The following TTC27 variants were observed in gnomAD, a reference collection of about 807,000 sequenced individuals.
TTC27 encodes the protein tetratricopeptide repeat domain 27.
TTC27 carries 79 observed loss-of-function variants against 115.9 expected under a neutral mutation model. That is an observed-to-expected ratio of 0.68 (90% CI 0.57 to 0.82). TTC27 has a LOEUF of 0.82. Ranked by LOEUF, TTC27 falls within the 40% of genes least tolerant of loss-of-function variation. The pLI, the probability that TTC27 is intolerant of heterozygous loss-of-function variation, is 0.00. For synonymous variants in TTC27, 401 were observed against 356.0 expected (o/e 1.13, Z -1.42); for missense variants, 1,054 against 993.1 (o/e 1.06, Z -0.82).
intron 18 of TTC27, among the ~76,000 whole-genome samples, chr2:32,817,227 C>T (rs111721271): frequency 2.0e-5 from 3 of 149,942 alleles, no homozygotes; most frequent in Non-Finnish European, 3.0e-5. Context: ...GACTGAGCGA[C>T]AGGGTGAGAC....
intron 12 of TTC27, among the ~76,000 whole-genome samples, chr2:32,744,928 A>G (rs899711453): frequency 2.0e-5 from 3 of 151,660 alleles, no homozygotes; most frequent in African/African-American, 4.8e-5. Flanking sequence ...GGCACCTGTA[A>G]TCCCAGCTAC....
intron 18 of TTC27, among the ~76,000 whole-genome samples, chr2:32,815,732 C>T (rs991716524): frequency 2.0e-5 from 3 of 152,038 alleles, no homozygotes; most frequent in African/African-American, 2.4e-5. Flanking sequence ...GCTCAAATAC[C>T]GCTGCCATGG....
intron 5 of TTC27, among the ~76,000 whole-genome samples, chr2:32,660,201 C>T (rs562791422): frequency 3.3e-5 from 5 of 152,186 alleles, no homozygotes; most frequent in South Asian, 4.2e-4. Flanking sequence ...TTTTAATGAT[C>T]GCCATTCTAA....
chr2:32,701,039 TA>T (rs1218049242), intron 9 of TTC27, among the ~76,000 whole-genome samples: 1 of 152,204 alleles, frequency 6.6e-6, no homozygotes, highest in Non-Finnish European at 1.5e-5. Context: ...TCTTGTAAAC[TA>T]TTTCAAGGGG....
chr2:32,711,712 T>C (rs189172641), intron 10 of TTC27, among the ~76,000 whole-genome samples: 214 of 152,128 alleles, frequency 1.4e-3, no homozygotes, highest in African/African-American at 4.9e-3. Context: ...GGCTGAGGTG[T>C]GTGGATCACC....
intron 10 of TTC27, among the ~76,000 whole-genome samples, chr2:32,724,129 G>T (rs968891248): frequency 1.3e-5 from 2 of 151,994 alleles, no homozygotes; most frequent in African/African-American, 4.8e-5. Context: ...AATGTCTTAA[G>T]ACACTAAGCA....
chr2:32,663,073 A>G (rs1665613895), intron 5 of TTC27, among the ~76,000 whole-genome samples: 3 of 152,174 alleles, frequency 2.0e-5, no homozygotes, highest in Admixed American at 2.0e-4. Flanking sequence ...CTGTGCTGGC[A>G]GTGAGAATTT....
chr2:32,745,897 G>C (rs1668808655), intron 12 of TTC27, among the ~76,000 whole-genome samples: 1 of 152,090 alleles, frequency 6.6e-6, no homozygotes, highest in Non-Finnish European at 1.5e-5. Context: ...GGGCAATTTA[G>C]GGTATGACCT....
At chr2:32,800,963 A>C (rs1032310728) in intron 16 of TTC27, among the ~76,000 whole-genome samples, 1 of 152,220 alleles carries the variant, frequency 6.6e-6, no homozygotes, top group Non-Finnish European at 1.5e-5. Context: ...GGAAAAGATC[A>C]AGAGATTTGA....
At position 32,628,200 on chromosome 2, in the gene TTC27, A is replaced by C. The variant is rs2063523878; in HGVS notation, c.-93A>C. The C allele has an allele frequency of 1.7e-6, 2 of 1,206,866 alleles. No homozygotes were observed. The highest frequency in any genetic ancestry group is 2.2e-5 in the Admixed American group (1 of 46,328). 74.8% of individuals were successfully genotyped at this position (1,206,866 alleles called of 1,614,324 possible). A position where few individuals can be genotyped will look rare whatever the true frequency, so the allele number is the denominator to read the frequency against. On this transcript the variant is annotated 5_prime_UTR_variant, in exon 1 of 20. Transcript: ENST00000317907. Reference sequence around the variant, plus strand: ...ACGGTAACTGTCGCCACTAGATTTCAGCGCCTTTGGACTCTCCTGTTTTCA... The same window carrying C: ...ACGGTAACTGTCGCCACTAGATTTCCGCGCCTTTGGACTCTCCTGTTTTCA...
chr2:32,721,980 G>A (rs1667947477), intron 10 of TTC27, among the ~76,000 whole-genome samples: 1 of 152,196 alleles, frequency 6.6e-6, no homozygotes, highest in African/African-American at 2.4e-5. Flanking sequence ...TACCAATGGT[G>A]ATACTTGTGA....
intron 17 of TTC27, among the ~76,000 whole-genome samples, chr2:32,811,648 T>C (rs567577887): frequency 2.0e-5 from 3 of 152,246 alleles, no homozygotes; most frequent in African/African-American, 7.2e-5. Context: ...AAGATAAAGA[T>C]CTTGGAAGAG....
chr2:32,752,948 A>C (rs1669066970), intron 12 of TTC27, among the ~76,000 whole-genome samples: 1 of 152,210 alleles, frequency 6.6e-6, no homozygotes, highest in Non-Finnish European at 1.5e-5. Context: ...AAACCCACTC[A>C]AAACTTAGTG....
At position 32,650,163 on chromosome 2, in the gene TTC27, T is replaced by C. The variant is rs2151869516; in HGVS notation, c.570T>C (p.Asn190=). 3 of 1,613,948 alleles carry C rather than the reference T, an allele frequency of 1.9e-6. No homozygotes were observed. Among genetic ancestry groups the C allele is most frequent in the Middle Eastern group, 3.3e-4 (2 of 6,060 alleles). The change falls in exon 5 of 20, where the codon AAT becomes AAC. Residue 190 remains asparagine, a synonymous_variant. Coordinates refer to ENST00000317907, the MANE Select transcript of TTC27 (RefSeq NM_017735.5). ...SLPWWTLRCV[N]IHQHLLEERS... ...CATGGTGGACTTTGAGATGTGTGAA[T>C]ATTCATCAGCATTTGCTTGAGGAAC...
rs1664537137 is a variant in TTC27 at position 32,639,056 on chromosome 2, T to C, written c.397-1214T>C. The stretch of plus-strand genomic sequence containing the variant: ...ACCGTGTTAGCCAGGATGGTCTTGA[T>C]CTCCTGACCTCGTGATCCGCCCGCC... On this transcript the variant is annotated intron_variant, in intron 3 of 19. Coordinates refer to ENST00000317907, the MANE Select transcript of TTC27 (RefSeq NM_017735.5). Among the ~76,000 whole-genome samples the C allele has an allele frequency of 2.6e-5, 4 of 151,890 alleles. No individual in the cohort carries two copies. In the South Asian group the frequency reaches 8.4e-4, roughly 32 times the overall value.
intron 5 of TTC27, among the ~76,000 whole-genome samples, chr2:32,662,780 G>C (rs1665601180): frequency 6.6e-6 from 1 of 151,850 alleles, no homozygotes. Flanking sequence ...ATCTCCTTCA[G>C]TTCTGCTGTG....
At chr2:32,648,933 C>A (rs548647153) in intron 4 of TTC27, among the ~76,000 whole-genome samples, 4 of 152,114 alleles carry the variant, frequency 2.6e-5, no homozygotes, top group African/African-American at 9.6e-5. Flanking sequence ...ATCACGTGAG[C>A]CTGAGGAGGT....
chr2:32,714,011 T>TACCAA (rs770259152), intron 10 of TTC27, among the ~76,000 whole-genome samples: 5,081 of 152,212 alleles, frequency 0.033, 125 homozygotes, highest in Non-Finnish European at 0.044. Context: ...TAAGTGAGAG[T>TACCAA]ATGCACTATT....
intron 4 of TTC27, among the ~76,000 whole-genome samples, chr2:32,644,738 A>G (rs924540774): frequency 2.0e-5 from 3 of 151,578 alleles, no homozygotes; most frequent in East Asian, 3.9e-4. Flanking sequence ...TTCTCTTGCC[A>G]TTCAACTGAA....
Sources: gnomAD v4.1 joint callset for allele counts (sites outside exome capture counted in the v4.1 genomes callset) on GRCh38, gnomAD v4.1.1 for gene constraint, MANE v1.5 for transcripts, NCBI Gene and HGNC (gene_info 2026-07-23, HGNC 2026-07-21) for gene names.